The following PUDP variants were observed in gnomAD, a reference collection of about 807,000 sequenced individuals.
The protein encoded by PUDP is pseudouridine 5'-phosphatase, also known as pseudouridine-5'-phosphatase.
A neutral mutation model predicts 9.4 loss-of-function variants in PUDP; 8 were observed. That is an observed-to-expected ratio of 0.85 (90% CI 0.50 to 1.53). The LOEUF (loss-of-function observed/expected upper bound fraction) is 1.53. Ranked by LOEUF, PUDP falls within the 40% of genes most tolerant of loss-of-function variation. PUDP has a pLI of 0.00. For missense variants in PUDP, 188 were observed against 189.7 expected, an observed-to-expected ratio of 0.99 and a Z score of 0.05; for synonymous variants, 99 against 80.7, an observed-to-expected ratio of 1.23 and a Z score of -1.22.
intron 3 of PUDP, among the ~76,000 whole-genome samples, chrX:6,791,557 G>GGGAGAC (rs1428561934): frequency 9.0e-6 from 1 of 111,249 alleles, no homozygotes; most frequent in Non-Finnish European, 1.9e-5. Context: ...AAGTAGAAGA[G>GGGAGAC]GGAGACGGGA....
chrX:6,810,207 A>C (rs1407902738), intron 3 of PUDP, among the ~76,000 whole-genome samples: 2 of 111,985 alleles, frequency 1.8e-5, no homozygotes, highest in East Asian at 5.6e-4. Context: ...ACCAACAAAC[A>C]AGATTTCGTT....
At chrX:6,749,069 T>C (rs1367285519) in intron 3 of PUDP, among the ~76,000 whole-genome samples, 1 of 112,001 alleles carries the variant, frequency 8.9e-6, no homozygotes, top group Non-Finnish European at 1.9e-5. Flanking sequence ...GAAGAAAGAA[T>C]GCAGGTATAG....
chrX:6,712,604 G>T (rs1924546437), intron 1 of PUDP, among the ~76,000 whole-genome samples: 1 of 111,960 alleles, frequency 8.9e-6, no homozygotes, highest in South Asian at 3.7e-4. Context: ...GAAGAACAAG[G>T]GTCCTGCACC....
At chrX:6,904,778 G>A (rs922018899) in intron 3 of PUDP, among the ~76,000 whole-genome samples, 1 of 112,306 alleles carries the variant, frequency 8.9e-6, no homozygotes, top group Non-Finnish European at 1.9e-5. Context: ...AACTCTCCAG[G>A]ACACCAGCAG....
intron 3 of PUDP, among the ~76,000 whole-genome samples, chrX:6,789,947 CATAG>C (rs1007555354): frequency 6.4e-5 from 6 of 93,372 alleles, no homozygotes; most frequent in Admixed American, 1.2e-4. Flanking sequence ...GAAGATAGAA[CATAG>C]ATAGAAAGAG....
intron 3 of PUDP, among the ~76,000 whole-genome samples, chrX:6,731,396 G>A (rs1254184516): frequency 9.0e-6 from 1 of 111,464 alleles, no homozygotes; most frequent in Non-Finnish European, 1.9e-5. Flanking sequence ...CTTAAGCTAC[G>A]AGCTGTCTGA....
intron 3 of PUDP, among the ~76,000 whole-genome samples, chrX:6,932,373 G>A (rs1928204800): frequency 8.9e-6 from 1 of 111,835 alleles, no homozygotes; most frequent in Non-Finnish European, 1.9e-5. Flanking sequence ...ACAGGTGGAA[G>A]CACACAGATT....
At chrX:7,050,967 G>A (rs751400875) in intron 3 of PUDP, among the ~76,000 whole-genome samples, 1 of 112,127 alleles carries the variant, frequency 8.9e-6, no homozygotes, top group South Asian at 3.8e-4. Context: ...AGTGTGACGT[G>A]ACAAATGAGC....
chrX:7,041,620 T>C (rs2146831109), intron 1 of PUDP, among the ~76,000 whole-genome samples: 1 of 111,995 alleles, frequency 8.9e-6, no homozygotes, highest in South Asian at 3.7e-4. Flanking sequence ...CACAGCAAAC[T>C]TCAAAAGAGA....
chrX:7,104,905 G>GT (rs1169539166), intron 2 of PUDP, among the ~76,000 whole-genome samples: 4 of 111,427 alleles, frequency 3.6e-5, no homozygotes, highest in African/African-American at 9.8e-5. Context: ...CATAACTGCT[G>GT]TTTTTTTTCT....
At chrX:6,836,878 A>G (rs1418968268) in intron 3 of PUDP, among the ~76,000 whole-genome samples, 2 of 112,238 alleles carry the variant, frequency 1.8e-5, no homozygotes, top group Admixed American at 1.9e-4. Context: ...ATTGGTCTCT[A>G]CTGGAGGCTC....
At chrX:6,871,278 G>A (rs763209841) in intron 3 of PUDP, among the ~76,000 whole-genome samples, 1 of 111,403 alleles carries the variant, frequency 9.0e-6, no homozygotes, top group Admixed American at 9.5e-5. Flanking sequence ...CTCATTTCCT[G>A]AGGGGTTTCT....
chrX:7,049,574 T>C lies in PUDP; in HGVS notation c.*722A>G, dbSNP rs1161614015. 6.2e-5 allele frequency: 7 copies of C among 112,106 alleles called. No individual in the cohort carries two copies. The highest frequency in any genetic ancestry group is 2.3e-4 in the African/African-American group (7 of 30,745). 9.2% of individuals were successfully genotyped at this position (112,106 alleles called of 1,213,427 possible). A position where few individuals can be genotyped will look rare whatever the true frequency, so the allele number is the denominator to read the frequency against. On this transcript the variant is annotated 3_prime_UTR_variant, in exon 4 of 4. Coordinates refer to ENST00000381077, the MANE Select transcript of PUDP (RefSeq NM_012080.5). ...GATGACGTGGCACAGAGTCAGTCAA[T>C]GAGGAAAGATCCAGAGACATTCTGA...
At chrX:6,757,998 A>G (rs934185821) in intron 3 of PUDP, among the ~76,000 whole-genome samples, 1 of 112,346 alleles carries the variant, frequency 8.9e-6, no homozygotes, top group Non-Finnish European at 1.9e-5. Flanking sequence ...TTCGATGTGG[A>G]TCATTAAGAG....
chrX:7,134,480 C>T (rs1932694169), intron 1 of PUDP, among the ~76,000 whole-genome samples: 1 of 112,161 alleles, frequency 8.9e-6, no homozygotes, highest in African/African-American at 3.2e-5. Flanking sequence ...GTAGACAGGA[C>T]AAGTCGCCTC....
At chrX:7,023,231 G>A (rs184364929) in intron 1 of PUDP, among the ~76,000 whole-genome samples, 1 of 111,929 alleles carries the variant, frequency 8.9e-6, no homozygotes, top group East Asian at 2.8e-4. Context: ...AACCCAAACT[G>A]AGCAGATCGC....
chrX:6,882,405 C>G (rs1213407970), intron 3 of PUDP, among the ~76,000 whole-genome samples: 3 of 111,277 alleles, frequency 2.7e-5, no homozygotes, highest in Non-Finnish European at 5.7e-5. Flanking sequence ...CTAGCCACTC[C>G]CATTCTATTG....
chrX:7,043,397 T>C (rs1929947851), intron 1 of PUDP, among the ~76,000 whole-genome samples: 1 of 111,266 alleles, frequency 9.0e-6, no homozygotes. Flanking sequence ...TCTCTCACCA[T>C]GTCATCTGTG....
intron 3 of PUDP, among the ~76,000 whole-genome samples, chrX:6,831,422 C>T (rs113006487): frequency 0.1 from 11,550 of 111,799 alleles, 597 homozygotes; most frequent in African/African-American, 0.2. Context: ...AGTTAAACTA[C>T]AAACTAAGTT....
Sources: allele counts gnomAD v4.1 joint callset (sites outside exome capture counted in the v4.1 genomes callset), GRCh38; gene constraint gnomAD v4.1.1; transcripts MANE v1.5; gene names NCBI Gene and HGNC (gene_info 2026-07-23, HGNC 2026-07-21).